The following DOCK4 variants were observed in gnomAD, a reference collection of about 807,000 sequenced individuals.
DOCK4 encodes the protein dedicator of cytokinesis protein 4.
Under a neutral mutation model 268.1 loss-of-function variants are expected in DOCK4, and 97 were observed. That is an observed-to-expected ratio of 0.36 (90% confidence interval 0.31 to 0.43). The LOEUF (loss-of-function observed/expected upper bound fraction) is 0.43, where lower values mean the gene tolerates loss of function less well. Ranked by LOEUF, DOCK4 falls within the 20% of genes least tolerant of loss-of-function variation. The pLI, the probability that DOCK4 is intolerant of heterozygous loss-of-function variation, is 1.00. For synonymous variants in DOCK4, 954 were observed against 887.2 expected, an observed-to-expected ratio of 1.08 and a Z score of -1.34; for missense variants, 2,145 against 2,455.7, an observed-to-expected ratio of 0.87 and a Z score of 2.67.
intron 5 of DOCK4, among the ~76,000 whole-genome samples, chr7:111,992,632 T>C (rs2106738): frequency 0.035 from 5,405 of 152,260 alleles, 185 homozygotes; most frequent in East Asian, 0.16. Context: ...AAAACAGACA[T>C]TTGAAACCTC....
chr7:111,926,855 A>AAG (rs372911130), intron 12 of DOCK4, among the ~76,000 whole-genome samples: 8 of 149,372 alleles, frequency 5.4e-5, no homozygotes, highest in Admixed American at 6.7e-5. Flanking sequence ...GAAAGAGAAA[A>AAG]AGAGAGAGAG....
intron 43 of DOCK4, among the ~76,000 whole-genome samples, chr7:111,746,809 CTTATCTTTT>C (rs1796301995): frequency 9.4e-6 from 1 of 106,846 alleles, no homozygotes; most frequent in Non-Finnish European, 1.8e-5. Context: ...CAAGATCGGT[CTTATCTTTT>C]TTTTTTTTTT....
intron 1 of DOCK4, among the ~76,000 whole-genome samples, chr7:112,022,503 T>C (rs189453762): frequency 6.6e-6 from 1 of 152,324 alleles, no homozygotes; most frequent in African/African-American, 2.4e-5. Flanking sequence ...GGCTTCTGCA[T>C]AGGTGGGTTC....
rs796883249 is a variant in DOCK4 at position 111,953,545 on chromosome 7, A to G, written c.702-7747T>C. On this transcript the variant is annotated intron_variant, in intron 8 of 52. Transcript: ENST00000428084. ...AGACCAGAATACGGCACCCCAAAAT[A>G]TACTTCTTTGGCATAAGAATTGTTG... The G allele has an allele frequency of 5.5e-4, 84 of 152,346 alleles. 2 individuals carry two copies. Among genetic ancestry groups the G allele is most frequent in the African/African-American group, 1.9e-3 (77 of 41,574 alleles). 9.4% of individuals were successfully genotyped at this position (152,346 alleles called of 1,614,324 possible).
At chr7:112,182,984 T>C (rs1380446353) in intron 1 of DOCK4, among the ~76,000 whole-genome samples, 1 of 152,220 alleles carries the variant, frequency 6.6e-6, no homozygotes, top group Non-Finnish European at 1.5e-5. Context: ...CTTGCTCCCT[T>C]CGTGCAGGAC....
intron 34 of DOCK4, 88 bp from the exon 35 acceptor site, chr7:111,783,012 A>C: frequency 8.6e-7 from 1 of 1,166,088 alleles, no homozygotes; most frequent in Non-Finnish European, 1.2e-6. Flanking sequence ...AAAAGAAAGA[A>C]AGAAAGAAAA....
chr7:112,017,481 A>C (rs1801908452), intron 1 of DOCK4, among the ~76,000 whole-genome samples: 2 of 152,140 alleles, frequency 1.3e-5, no homozygotes, highest in African/African-American at 4.8e-5. Flanking sequence ...AGTATGGGAG[A>C]GGTAGAGAGG....
chr7:111,941,440 A>G (rs77989693), intron 10 of DOCK4, among the ~76,000 whole-genome samples: 2,484 of 152,276 alleles, frequency 0.016, 65 homozygotes, highest in African/African-American at 0.055. Context: ...ATGAAAAAAA[A>G]GGTCTCAATT....
chr7:111,802,595 G>T (rs1420598826), intron 30 of DOCK4, among the ~76,000 whole-genome samples: 2 of 152,136 alleles, frequency 1.3e-5, no homozygotes, highest in Non-Finnish European at 2.9e-5. Flanking sequence ...TACTATCTTG[G>T]TCTTTAGTCT....
chr7:111,869,891 T>C (rs1478640293), intron 20 of DOCK4, among the ~76,000 whole-genome samples: 2 of 152,188 alleles, frequency 1.3e-5, no homozygotes, highest in Non-Finnish European at 2.9e-5. Flanking sequence ...AGCCCTGCTG[T>C]TTCTGGTAAT....
At chr7:112,039,588 C>A (rs79801747) in intron 1 of DOCK4, among the ~76,000 whole-genome samples, 1 of 151,968 alleles carries the variant, frequency 6.6e-6, no homozygotes, top group African/African-American at 2.4e-5. Flanking sequence ...AAATTGCTGA[C>A]CACTTGCCCC....
intron 23 of DOCK4, among the ~76,000 whole-genome samples, chr7:111,854,399 C>T (rs191845155): frequency 1.3e-5 from 2 of 152,348 alleles, no homozygotes; most frequent in Non-Finnish European, 1.5e-5. Context: ...CCCTCTCACA[C>T]GGACCCCCTT....
intron 1 of DOCK4, among the ~76,000 whole-genome samples, chr7:112,111,273 T>C (rs138654484): frequency 2.4e-3 from 369 of 152,228 alleles, no homozygotes; most frequent in African/African-American, 8.1e-3. Context: ...CCTTGAGGTC[T>C]GAGAGGTAGG....
chr7:111,875,045 T>G (rs183906694), intron 17 of DOCK4, among the ~76,000 whole-genome samples: 2 of 152,262 alleles, frequency 1.3e-5, no homozygotes, highest in African/African-American at 4.8e-5. Context: ...GTGTTTAGCA[T>G]GTAAATTTCA....
At chr7:112,176,383 T>C (rs1050557630) in intron 1 of DOCK4, among the ~76,000 whole-genome samples, 1 of 152,168 alleles carries the variant, frequency 6.6e-6, no homozygotes, top group Non-Finnish European at 1.5e-5. Context: ...AGGTCTCCAC[T>C]TGACTTCACA....
At chr7:111,926,935 G>A (rs2134635655) in intron 12 of DOCK4, among the ~76,000 whole-genome samples, 1 of 152,132 alleles carries the variant, frequency 6.6e-6, no homozygotes, top group East Asian at 1.9e-4. Flanking sequence ...ACGGAGGAAG[G>A]AAGACAGGAA....
At chr7:112,111,328 G>A (rs118113830) in intron 1 of DOCK4, among the ~76,000 whole-genome samples, 37 of 152,218 alleles carry the variant, frequency 2.4e-4, no homozygotes, top group Admixed American at 9.8e-4. Context: ...GTGGAGGGAG[G>A]GGGTAGGGAA....
At chr7:112,195,614 C>T (rs1009879429) in intron 1 of DOCK4, among the ~76,000 whole-genome samples, 11 of 151,822 alleles carry the variant, frequency 7.2e-5, no homozygotes, top group South Asian at 2.1e-4. Context: ...GGGCTATTTT[C>T]GGTTGCCTTA....
At chr7:111,970,017 C>T (rs774508369) in intron 8 of DOCK4, among the ~76,000 whole-genome samples, 16 of 152,198 alleles carry the variant, frequency 1.1e-4, no homozygotes, top group Admixed American at 9.2e-4. Context: ...CCTGATGCCT[C>T]CTAAGGGACC....
Sources: allele counts gnomAD v4.1 joint callset (sites outside exome capture counted in the v4.1 genomes callset), GRCh38; gene constraint gnomAD v4.1.1; transcripts MANE v1.5; gene names NCBI Gene and HGNC (gene_info 2026-07-23, HGNC 2026-07-21).